The following TCP11 variants were observed in gnomAD, a reference collection of about 807,000 sequenced individuals.
TCP11 encodes the protein t-complex 11, also known as T-complex protein 11 homolog.
TCP11 carries 34 observed loss-of-function variants against 45.0 expected under a neutral mutation model. That is an observed-to-expected ratio of 0.76 (90% CI 0.57 to 1.01). The LOEUF (loss-of-function observed/expected upper bound fraction) is 1.01, where lower values mean the gene tolerates loss of function less well. Among genes scored for constraint, TCP11 ranks in the 50% least tolerant of loss-of-function variants. TCP11 has a pLI of 0.00. For synonymous variants in TCP11, 227 were observed against 227.0 expected, an observed-to-expected ratio of 1.00 and a Z score of 0.00; for missense variants, 523 against 598.1, an observed-to-expected ratio of 0.87 and a Z score of 1.31.
chr6:35,141,200 G>T lies in TCP11; in HGVS notation c.-15+5C>A. On this transcript the variant is annotated splice_donor_5th_base_variant and intron_variant, in intron 1 of 9. Transcript: ENST00000311875. ...CAGGCCCGCCTCCGGCTCCCAGGCC[G>T]TCACCTCCTCCTCCCCCGCCGCGGG... 7.1e-7 allele frequency: 1 copy of T among 1,404,150 alleles called. No homozygotes were observed. 87.0% of individuals were successfully genotyped at this position (1,404,150 alleles called of 1,614,324 possible).
chr6:35,140,069 T>C, intron 2 of TCP11: 1 of 1,614,030 alleles, frequency 6.2e-7, no homozygotes, highest in Non-Finnish European at 8.5e-7. Context: ...TTTGGTGCCA[T>C]TCAGTTAACC....
chr6:35,120,864 C>A lies in TCP11; in HGVS notation c.715+45G>T. ...TCTCTAACATTATAAAAGTCAGACCCAAGGTAATACCTTTCCCACTCCTGC... is the reference window on the plus strand; with the variant it reads ...TCTCTAACATTATAAAAGTCAGACCAAAGGTAATACCTTTCCCACTCCTGC... On this transcript the variant is annotated intron_variant, in intron 6 of 9. Transcript: ENST00000311875. The surrounding 1 kb of genome is among the most constrained non-coding windows in gnomAD (Gnocchi z 4.9). 1 of 1,575,474 alleles carries A rather than the reference C, an allele frequency of 6.3e-7. No individual in the cohort carries two copies. Among genetic ancestry groups the A allele is most frequent in the Non-Finnish European group, 8.6e-7 (1 of 1,159,512 alleles).
intron 2 of TCP11, among the ~76,000 whole-genome samples, chr6:35,138,871 G>A (rs1781409607): frequency 6.6e-6 from 1 of 152,010 alleles, no homozygotes; most frequent in African/African-American, 2.4e-5. Context: ...CACCTACTAT[G>A]TACCCACAAA....
intron 3 of TCP11, among the ~76,000 whole-genome samples, chr6:35,135,353 A>G (rs1780957824): frequency 6.6e-6 from 1 of 152,162 alleles, no homozygotes; most frequent in African/African-American, 2.4e-5. Context: ...TAGCTGCCCT[A>G]TAGTAAATTC....
intron 3 of TCP11, among the ~76,000 whole-genome samples, chr6:35,133,666 T>C (rs1259836652): frequency 5.3e-5 from 8 of 151,964 alleles, no homozygotes; most frequent in Admixed American, 5.2e-4. Context: ...GGCGCACACC[T>C]GTAGTCCCAG....
rs998360441 is a variant in TCP11, at chr6:35,140,364, A to G, written c.124+383T>C. On this transcript the variant is annotated intron_variant, in intron 2 of 9. Coordinates refer to ENST00000311875, the MANE Select transcript of TCP11 (RefSeq NM_001370687.1). ...AGCTAGAGACTGGGCCCAGGACACT[A>G]CTATTTCTTGAGTTAGCAAAGCGCT... 3.2e-5 allele frequency: 19 copies of G among 601,266 alleles called. No individual in the cohort carries two copies. In the East Asian group the frequency reaches 7.4e-4, roughly 23 times the overall value. 37.2% of individuals were successfully genotyped at this position (601,266 alleles called of 1,614,324 possible).
chr6:35,118,136 C>T lies in TCP11; in HGVS notation c.*133G>A. 1 of 720,522 alleles carries T rather than the reference C, an allele frequency of 1.4e-6. No homozygotes were observed. The allele number at this position is 720,522 out of a possible 1,614,324, so 44.6% of individuals were successfully genotyped here. A position where few individuals can be genotyped will look rare whatever the true frequency, so the allele number is the denominator to read the frequency against. On this transcript the variant is annotated 3_prime_UTR_variant, in exon 10 of 10. Transcript: ENST00000311875. ...CCAGTTGGTGTTTACATGCTTGATC[C>T]CTACAGCCTTGGTGTACTGGCTGCA...
intron 3 of TCP11, among the ~76,000 whole-genome samples, chr6:35,131,891 C>T (rs572130982): frequency 3.6e-4 from 55 of 152,262 alleles, no homozygotes; most frequent in African/African-American, 1.2e-3. Context: ...GATGAACCAC[C>T]GTGCCTGGCC....
intron 4 of TCP11, among the ~76,000 whole-genome samples, chr6:35,127,804 G>A (rs1779999120): frequency 1.3e-5 from 2 of 152,162 alleles, no homozygotes; most frequent in African/African-American, 4.8e-5. Context: ...TATCTGTCTT[G>A]TAAGAGTTCT....
Position 35,119,314 on chromosome 6 carries a change from A to C in TCP11, c.1193T>G (p.Val398Gly). Residue 398 changes from valine to glycine, a missense_variant, in exon 9 of 10, where the codon GTT (valine) becomes GGT (glycine). Coordinates refer to ENST00000311875, the MANE Select transcript of TCP11 (RefSeq NM_001370687.1). ...TGCTGTATTATCACTGCTTAGAGCA[A>C]CAAGGCCCATATTCTTGAGGCTTTG... is the stretch of plus-strand genomic sequence containing the variant. ...IHQSLKNMGLVALSSDNTASL... is the reference protein window; with the variant it reads ...IHQSLKNMGLGALSSDNTASL... 6.2e-7 allele frequency: 1 copy of C among 1,614,212 alleles called. No individual in the cohort carries two copies. The highest frequency in any genetic ancestry group is 8.5e-7 in the Non-Finnish European group (1 of 1,180,038).
At position 35,140,751 on chromosome 6, in the gene TCP11, A is replaced by T; in HGVS notation, c.120T>A (p.Pro40=). Residue 40 remains proline, a synonymous_variant, in exon 2 of 10, where the codon CCT becomes CCA. Coordinates refer to ENST00000311875, the MANE Select transcript of TCP11 (RefSeq NM_001370687.1). ...QEDKSGSEDP[P]PFLSVTGLTE... ...GGACTGCCGAGCTGGACCTACAGGG[A>T]GGGGGGTCCTCGGAGCCGCTCTTGT... 6.6e-7 allele frequency: 1 copy of T among 1,525,506 alleles called. No homozygotes were observed. The highest frequency in any genetic ancestry group is 1.4e-5 in the African/African-American group (1 of 71,840). The allele number at this position is 1,525,506 out of a possible 1,614,324, so 94.5% of individuals were successfully genotyped here.
At position 35,141,037 on chromosome 6, in the gene TCP11, G is replaced by A. The variant is rs1363358480; in HGVS notation, c.-14-153C>T. 3 of 1,233,968 alleles carry A rather than the reference G, an allele frequency of 2.4e-6. No individual in the cohort carries two copies. The African/African-American group carries it at 4.8e-5, about 20-fold the overall frequency. The allele number at this position is 1,233,968 out of a possible 1,614,324, so 76.4% of individuals were successfully genotyped here. A position where few individuals can be genotyped will look rare whatever the true frequency, so the allele number is the denominator to read the frequency against. ...AGGGGCAAAGGAGCGTGGAGGAGCGGAAGTCGAGAGTGGGACAGAAGTGGA... is the reference window on the plus strand; with the variant it reads ...AGGGGCAAAGGAGCGTGGAGGAGCGAAAGTCGAGAGTGGGACAGAAGTGGA... On this transcript the variant is annotated intron_variant, in intron 1 of 9. Transcript: ENST00000311875.
intron 3 of TCP11, among the ~76,000 whole-genome samples, chr6:35,129,432 A>C (rs778861560): frequency 7.9e-5 from 12 of 152,250 alleles, no homozygotes; most frequent in Non-Finnish European, 1.2e-4. Flanking sequence ...TGCAGTAGAA[A>C]GAACCCTGAA....
intron 2 of TCP11, chr6:35,139,881 A>T: frequency 1.3e-6 from 1 of 769,426 alleles, no homozygotes; most frequent in Non-Finnish European, 2.1e-6. Flanking sequence ...AAGTCAACCT[A>T]ATACACAAAA....
chr6:35,121,182 A>T, intron 5 of TCP11, 137 bp from the exon 6 acceptor site: 1 of 1,046,568 alleles, frequency 9.6e-7, no homozygotes, highest in Non-Finnish European at 1.3e-6. Flanking sequence ...AGAAGATAAC[A>T]TGTGGCCCAG....
chr6:35,133,611 G>A (rs1299925620), intron 3 of TCP11, among the ~76,000 whole-genome samples: 2 of 152,070 alleles, frequency 1.3e-5, no homozygotes, highest in African/African-American at 4.8e-5. Context: ...CCAACATGGT[G>A]AAACCCCACC....
At chr6:35,124,100 C>T (rs1313278349) in intron 4 of TCP11, among the ~76,000 whole-genome samples, 5 of 152,120 alleles carry the variant, frequency 3.3e-5, no homozygotes, top group Admixed American at 6.5e-5. Flanking sequence ...AGCCCCTTTT[C>T]GGATTTTTGA....
At chr6:35,133,289 AC>A (rs1780664545) in intron 3 of TCP11, among the ~76,000 whole-genome samples, 1 of 151,348 alleles carries the variant, frequency 6.6e-6, no homozygotes, top group Admixed American at 6.6e-5. Flanking sequence ...TAATCCTTCC[AC>A]CCCAGTCTCC....
At chr6:35,123,101 G>A (rs1334011950) in intron 4 of TCP11, among the ~76,000 whole-genome samples, 3 of 152,156 alleles carry the variant, frequency 2.0e-5, no homozygotes, top group Non-Finnish European at 2.9e-5. Context: ...TTTGTCAAAA[G>A]AGGGTGGTAA....
Sources: allele counts gnomAD v4.1 joint callset (sites outside exome capture counted in the v4.1 genomes callset), GRCh38; gene constraint gnomAD v4.1.1; non-coding constraint Gnocchi (gnomAD v3.1); transcripts MANE v1.5; gene names NCBI Gene and HGNC (gene_info 2026-07-23, HGNC 2026-07-21).